The following APLP2 variants were observed in gnomAD, a reference collection of about 807,000 sequenced individuals.
The protein encoded by APLP2 is amyloid beta precursor like protein 2, also known as CDEI box-binding protein.
In APLP2, 53 loss-of-function variants were observed where a neutral mutation model predicts 89.9. That is an observed-to-expected ratio of 0.59 (90% CI 0.47 to 0.74). APLP2 has a LOEUF of 0.74. Among genes scored for constraint, APLP2 ranks in the 30% least tolerant of loss-of-function variants. The probability of loss-of-function intolerance (pLI) is 0.00; values close to 1 mark genes in which losing one functional copy is unlikely to be tolerated. For missense variants in APLP2, 973 were observed against 975.9 expected (o/e 1.00, Z 0.04); for synonymous variants, 372 against 348.6 (o/e 1.07, Z -0.75).
At chr11:130,095,779 G>C (rs1399377185) in intron 1 of APLP2, among the ~76,000 whole-genome samples, 1 of 152,240 alleles carries the variant, frequency 6.6e-6, no homozygotes, top group Non-Finnish European at 1.5e-5. Flanking sequence ...CTAGTACACT[G>C]TTGATTTAGA....
intron 1 of APLP2, among the ~76,000 whole-genome samples, chr11:130,094,273 G>A (rs776811255): frequency 6.0e-5 from 9 of 149,974 alleles, no homozygotes; most frequent in Non-Finnish European, 1.0e-4. Flanking sequence ...GGCTGTTCTC[G>A]AACTCCCAAC....
At chr11:130,129,247 A>C in intron 10 of APLP2, 41 bp downstream of exon 10, 1 of 1,575,322 alleles carries the variant, frequency 6.3e-7, no homozygotes, top group Non-Finnish European at 8.6e-7. Context: ...GAGGTGGTAT[A>C]TGTAGGGGAC....
At chr11:130,129,899 A>C in intron 10 of APLP2, 139 bp from the exon 11 acceptor site, 1 of 990,904 alleles carries the variant, frequency 1.0e-6, no homozygotes, top group Non-Finnish European at 1.5e-6. Flanking sequence ...GGTAAGCTAA[A>C]AAAGCCTTCC....
At chr11:130,099,603 G>T (rs1389511977) in intron 1 of APLP2, among the ~76,000 whole-genome samples, 1 of 152,210 alleles carries the variant, frequency 6.6e-6, no homozygotes, top group East Asian at 1.9e-4. Flanking sequence ...TCTTTTAAAT[G>T]TATTAAATCA....
chr11:130,122,215 T>C (rs1281282247), intron 5 of APLP2, 90 bp from the exon 6 acceptor site: 14 of 1,454,206 alleles, frequency 9.6e-6, no homozygotes, highest in Non-Finnish European at 1.2e-5. Flanking sequence ...CCTGCCTCTG[T>C]TTTTGTGTTT....
intron 3 of APLP2, among the ~76,000 whole-genome samples, chr11:130,116,488 CT>C (rs200803123): frequency 0.01 from 1,535 of 152,070 alleles, 26 homozygotes; most frequent in African/African-American, 0.035. Flanking sequence ...GTATCTTTTT[CT>C]TTTTTTCTTT....
At chr11:130,081,711 T>C (rs1943181618) in intron 1 of APLP2, among the ~76,000 whole-genome samples, 1 of 152,258 alleles carries the variant, frequency 6.6e-6, no homozygotes, top group Non-Finnish European at 1.5e-5. Flanking sequence ...ATGCATATGT[T>C]TGTAACTTGT....
intron 1 of APLP2, among the ~76,000 whole-genome samples, chr11:130,091,143 C>G: frequency 7.3e-6 from 1 of 136,624 alleles, no homozygotes; most frequent in Non-Finnish European, 1.6e-5. Context: ...CAGAGGGGCT[C>G]CTCACTTCCC....
chr11:130,112,176 A>T (rs552780987), intron 3 of APLP2, among the ~76,000 whole-genome samples: 1 of 152,216 alleles, frequency 6.6e-6, no homozygotes, highest in South Asian at 2.1e-4. Flanking sequence ...GCATTCCGGG[A>T]TGTTTCTGAT....
chr11:130,120,637 C>T, intron 3 of APLP2, 69 bp from the exon 4 acceptor site: 1 of 1,144,970 alleles, frequency 8.7e-7, no homozygotes, highest in East Asian at 2.3e-5. Context: ...TCATCATAAA[C>T]TTCAGTGAGG....
chr11:130,141,786 C>A lies in APLP2; in HGVS notation c.1999-133C>A. On this transcript the variant is annotated intron_variant, in intron 15 of 16. Transcript: ENST00000338167. The surrounding 1 kb of genome is among the most constrained non-coding windows in gnomAD (Gnocchi z 4.2). ...TTCTCCACCTGTGGGTGGTTCCCTGCAAAGCAGGATCTTGGTGCTACTTTG... is the reference window on the plus strand; with the variant it reads ...TTCTCCACCTGTGGGTGGTTCCCTGAAAAGCAGGATCTTGGTGCTACTTTG... 1 of 1,156,550 alleles carries A rather than the reference C, an allele frequency of 8.6e-7. No homozygotes were observed. Among genetic ancestry groups the A allele is most frequent in the Middle Eastern group, 2.5e-4 (1 of 4,060 alleles). 71.6% of individuals were successfully genotyped at this position (1,156,550 alleles called of 1,614,324 possible).
intron 13 of APLP2, chr11:130,138,952 CTG>C (rs1952002319): frequency 6.6e-6 from 1 of 151,960 alleles, no homozygotes; most frequent in South Asian, 2.1e-4. Context: ...TAATTCCTGC[CTG>C]TGTGACCTTT....
chr11:130,124,538 T>C (rs1950174040), intron 7 of APLP2, among the ~76,000 whole-genome samples: 1 of 152,206 alleles, frequency 6.6e-6, no homozygotes, highest in Admixed American at 6.5e-5. Context: ...CTTCAGTCTC[T>C]CACCTTGCAG....
intron 2 of APLP2, chr11:130,109,919 CAGAA>C (rs1429146149): frequency 1.1e-5 from 3 of 261,838 alleles, no homozygotes; most frequent in African/African-American, 6.7e-5. Context: ...TCCTTACTGA[CAGAA>C]AGCCACCAGT....
chr11:130,101,200 G>A (rs1045329594), intron 1 of APLP2, among the ~76,000 whole-genome samples: 33 of 152,312 alleles, frequency 2.2e-4, no homozygotes, highest in African/African-American at 7.9e-4. Flanking sequence ...TTTTTGAGAT[G>A]GAGTCTCGCT....
At chr11:130,127,944 G>A in intron 9 of APLP2, 104 bp downstream of exon 9, 2 of 933,696 alleles carry the variant, frequency 2.1e-6, no homozygotes, top group Non-Finnish European at 3.3e-6. Context: ...CCTCCTTTTA[G>A]GTGAGGGCTT....
At chr11:130,111,181 G>A (rs576029705) in intron 3 of APLP2, among the ~76,000 whole-genome samples, 28 of 152,288 alleles carry the variant, frequency 1.8e-4, no homozygotes, top group African/African-American at 6.5e-4. Flanking sequence ...AGGGGTGTTC[G>A]TGACTCTGTG....
At chr11:130,088,294 T>C (rs1017708780) in intron 1 of APLP2, among the ~76,000 whole-genome samples, 1 of 152,060 alleles carries the variant, frequency 6.6e-6, no homozygotes, top group East Asian at 1.9e-4. Flanking sequence ...TTTAAGAAAA[T>C]CATTGTTCAG....
intron 16 of APLP2, 114 bp downstream of exon 16, chr11:130,142,188 T>C (rs996402902): frequency 4.1e-6 from 5 of 1,209,190 alleles, no homozygotes; most frequent in Admixed American, 5.5e-5. Context: ...GCTGCTGTTA[T>C]CAGTTCAGTT....
Sources: allele counts gnomAD v4.1 joint callset (sites outside exome capture counted in the v4.1 genomes callset), GRCh38; gene constraint gnomAD v4.1.1; non-coding constraint Gnocchi (gnomAD v3.1); transcripts MANE v1.5; gene names NCBI Gene and HGNC (gene_info 2026-07-23, HGNC 2026-07-21).